ATP8A2: variants seen among roughly 807,000 people sequenced by gnomAD.
ATP8A2 encodes ATPase phospholipid transporting 8A2, also known as phospholipid-transporting ATPase IB.
A neutral mutation model predicts 165.6 loss-of-function variants in ATP8A2; 100 were observed. That is an observed-to-expected ratio of 0.60 (90% confidence interval 0.51 to 0.71). The LOEUF is 0.71. ATP8A2 is among the 30% of genes least tolerant of loss of function. The pLI, the probability that ATP8A2 is intolerant of heterozygous loss-of-function variation, is 0.00. For synonymous variants in ATP8A2, 543 were observed against 548.8 expected, an observed-to-expected ratio of 0.99 and a Z score of 0.15; for missense variants, 1,227 against 1,479.5, an observed-to-expected ratio of 0.83 and a Z score of 2.80.
At chr13:25,409,130 A>G (rs2033893811) in intron 1 of ATP8A2, among the ~76,000 whole-genome samples, 2 of 152,174 alleles carry the variant, frequency 1.3e-5, no homozygotes, top group South Asian at 2.1e-4. Flanking sequence ...AAATAACACT[A>G]TTGGCGAGAC....
chr13:25,885,414 G>T (rs146354761), intron 33 of ATP8A2, among the ~76,000 whole-genome samples: 31 of 152,050 alleles, frequency 2.0e-4, no homozygotes, highest in African/African-American at 7.5e-4. Flanking sequence ...CACCAAGCCC[G>T]CTTGCTTCTT....
At chr13:25,558,833 T>C (rs1328575280) in intron 13 of ATP8A2, 140 bp from the exon 14 acceptor site, 3 of 554,366 alleles carry the variant, frequency 5.4e-6, no homozygotes, top group Non-Finnish European at 9.5e-6. Context: ...ATTAATATAT[T>C]TTTTGTTACT....
chr13:25,816,303 T>C lies in ATP8A2; in HGVS notation c.2680-11815T>C, dbSNP rs147798684. Among the ~76,000 whole-genome samples, 18 of 152,364 alleles carry C rather than the reference T, an allele frequency of 1.2e-4. No individual in the cohort carries two copies. The East Asian group carries it at 1.9e-3, about 16-fold the overall frequency. ...GCTGCTCATGTATTTGGAGAATTCA[T>C]GTCTAGTGTCCTTCACGGTCTGAAT... On this transcript the variant is annotated intron_variant, in intron 27 of 36. Coordinates refer to ENST00000381655, the MANE Select transcript of ATP8A2 (RefSeq NM_016529.6).
intron 36 of ATP8A2, among the ~76,000 whole-genome samples, chr13:26,014,842 G>A (rs1194106206): frequency 6.6e-6 from 1 of 152,108 alleles, no homozygotes; most frequent in African/African-American, 2.4e-5. Context: ...GGAGAAAAAA[G>A]AATTTTAATG....
chr13:25,606,049 A>C (rs533463283), intron 24 of ATP8A2, among the ~76,000 whole-genome samples: 1 of 152,164 alleles, frequency 6.6e-6, no homozygotes, highest in Non-Finnish European at 1.5e-5. Flanking sequence ...AGAGCTTACC[A>C]CAGTTCTGCA....
intron 33 of ATP8A2, among the ~76,000 whole-genome samples, chr13:25,946,201 C>T (rs974528469): frequency 1.3e-5 from 2 of 152,176 alleles, no homozygotes; most frequent in African/African-American, 4.8e-5. Context: ...CACCACCTTA[C>T]TCCACTGCTG....
intron 25 of ATP8A2, among the ~76,000 whole-genome samples, chr13:25,738,711 A>G (rs1033067912): frequency 5.3e-5 from 8 of 152,254 alleles, no homozygotes; most frequent in African/African-American, 1.4e-4. Context: ...TCAAGGGCAC[A>G]TGCCACTTGG....
chr13:25,630,171 G>T (rs1471489283), intron 24 of ATP8A2, among the ~76,000 whole-genome samples: 3 of 152,114 alleles, frequency 2.0e-5, no homozygotes, highest in Non-Finnish European at 2.9e-5. Context: ...AAGTGAATTA[G>T]ACCATATGGT....
intron 24 of ATP8A2, among the ~76,000 whole-genome samples, chr13:25,590,525 G>C (rs1219507261): frequency 1.3e-5 from 2 of 152,166 alleles, no homozygotes; most frequent in Admixed American, 6.5e-5. Flanking sequence ...ATGGCATAAA[G>C]CCACTGAACA....
chr13:25,784,956 G>A (rs2044986009), intron 27 of ATP8A2, among the ~76,000 whole-genome samples: 4 of 151,496 alleles, frequency 2.6e-5, no homozygotes, highest in Admixed American at 2.6e-4. Flanking sequence ...ATAGAGATGG[G>A]GTTTCACCAT....
At chr13:25,644,224 T>C (rs1430195842) in intron 24 of ATP8A2, among the ~76,000 whole-genome samples, 1 of 152,168 alleles carries the variant, frequency 6.6e-6, no homozygotes, top group Non-Finnish European at 1.5e-5. Flanking sequence ...GGATGCCTTT[T>C]ATTTCTTTCT....
In ATP8A2 at chr13:25,835,532, G is replaced by C. The variant is rs189142519; in HGVS notation, c.2755-1631G>C. On this transcript the variant is annotated intron_variant, in intron 28 of 36. Transcript: ENST00000381655. ...ACAGACACACGTCCAATTCCCACAG[G>C]CCTGAGAGCTTGCTGGGTTTGTGGG... Among the ~76,000 whole-genome samples the C allele has an allele frequency of 3.0e-3, 459 of 152,136 alleles. 4 individuals are homozygous for C. Among genetic ancestry groups the C allele is most frequent in the African/African-American group, 0.011 (445 of 41,496 alleles).
chr13:25,860,473 C>G (rs926072538), intron 31 of ATP8A2, among the ~76,000 whole-genome samples: 5 of 152,176 alleles, frequency 3.3e-5, no homozygotes, highest in Admixed American at 2.6e-4. Context: ...AGGTGGTTAA[C>G]AGATTTCCCC....
In ATP8A2 at chr13:25,860,857, T is replaced by A; in HGVS notation, c.3072T>A (p.Thr1024=). The A allele has an allele frequency of 6.3e-7, 1 of 1,584,646 alleles. No individual in the cohort carries two copies. Among genetic ancestry groups the A allele is most frequent in the Non-Finnish European group, 8.6e-7 (1 of 1,159,320 alleles). Residue 1024 remains threonine (T), a synonymous_variant, in exon 32 of 37, where the codon ACT becomes ACA. Coordinates refer to ENST00000381655, the MANE Select transcript of ATP8A2 (RefSeq NM_016529.6). ...LKAGLETTAW[T]KFSHLAVWGS... is the part of the protein sequence containing the mutation. ...CTGGTTTGGAGACCACAGCTTGGAC[T>A]AAAGTAAGTTTTCTCTAGAATTGTT...
intron 2 of ATP8A2, among the ~76,000 whole-genome samples, chr13:25,494,186 G>A (rs371029046): frequency 7.2e-5 from 11 of 152,160 alleles, no homozygotes; most frequent in African/African-American, 2.4e-4. Context: ...GAAAACACAT[G>A]TGGGTCAATG....
chr13:25,904,716 T>C (rs1424449958), intron 33 of ATP8A2, among the ~76,000 whole-genome samples: 1 of 152,230 alleles, frequency 6.6e-6, no homozygotes, highest in African/African-American at 2.4e-5. Context: ...CCCCCGGTAA[T>C]TAATGGTTGC....
chr13:25,639,132 C>T (rs2041448290), intron 24 of ATP8A2, among the ~76,000 whole-genome samples: 1 of 145,574 alleles, frequency 6.9e-6, no homozygotes, highest in African/African-American at 2.6e-5. Flanking sequence ...GGACCAGTAC[C>T]AGCCACTGCA....
At chr13:25,609,324 A>G (rs1396207192) in intron 24 of ATP8A2, among the ~76,000 whole-genome samples, 1 of 151,814 alleles carries the variant, frequency 6.6e-6, no homozygotes, top group Non-Finnish European at 1.5e-5. Flanking sequence ...TGAAGCCTAG[A>G]TGGAATGGCC....
chr13:25,797,754 C>G lies in ATP8A2; in HGVS notation c.2679+22795C>G, dbSNP rs532032264. ...GGTGGAGTCTCCCAGGGCCGATTAG[C>G]TGTTTGAATGCAAGTTTATTACTCA... is the stretch of plus-strand genomic sequence containing the variant. On this transcript the variant is annotated intron_variant, in intron 27 of 36. Coordinates refer to ENST00000381655, the MANE Select transcript of ATP8A2 (RefSeq NM_016529.6). Among the ~76,000 whole-genome samples, 4 of 152,204 alleles carry G rather than the reference C, an allele frequency of 2.6e-5. No individual in the cohort carries two copies. The East Asian group carries it at 7.7e-4, about 29-fold the overall frequency.
Sources: gnomAD v4.1 joint callset for allele counts (sites outside exome capture counted in the v4.1 genomes callset) on GRCh38, gnomAD v4.1.1 for gene constraint, MANE v1.5 for transcripts, NCBI Gene and HGNC (gene_info 2026-07-23, HGNC 2026-07-21) for gene names.